The following ANKRD17 variants were observed in gnomAD, a reference collection of about 807,000 sequenced individuals.
ANKRD17 encodes the protein ankyrin repeat domain 17.
Under a neutral mutation model 229.7 loss-of-function variants are expected in ANKRD17, and 19 were observed. The ratio of observed to expected loss-of-function variants is 0.08; its 90% confidence interval spans 0.06 to 0.12. The LOEUF (loss-of-function observed/expected upper bound fraction) is 0.12, where lower values mean the gene tolerates loss of function less well. ANKRD17 is among the 10% of genes least tolerant of loss of function. The pLI, the probability that ANKRD17 is intolerant of heterozygous loss-of-function variation, is 1.00. For missense variants in ANKRD17, 2,176 were observed against 3,176.8 expected, an observed-to-expected ratio of 0.68 and a Z score of 7.57; for synonymous variants, 1,112 against 1,146.1, an observed-to-expected ratio of 0.97 and a Z score of 0.60.
intron 28 of ANKRD17, 145 bp from the exon 29 acceptor site, chr4:73,092,445 A>G: frequency 1.5e-6 from 1 of 670,360 alleles, no homozygotes; most frequent in Non-Finnish European, 2.5e-6. Flanking sequence ...ACAGATAACA[A>G]AAGCTGGGCA....
chr4:73,105,902 T>C (rs1449648251), intron 24 of ANKRD17, among the ~76,000 whole-genome samples: 2 of 152,064 alleles, frequency 1.3e-5, no homozygotes, highest in Non-Finnish European at 2.9e-5. Flanking sequence ...GATAAAGGCA[T>C]AGGGAGAGGT....
chr4:73,099,864 C>T (rs746052154), intron 25 of ANKRD17, among the ~76,000 whole-genome samples: 5 of 152,134 alleles, frequency 3.3e-5, no homozygotes, highest in Admixed American at 6.5e-5. Context: ...GTACACATTG[C>T]GGTGATGGAG....
At chr4:73,179,101 C>T (rs1343852175) in intron 1 of ANKRD17, among the ~76,000 whole-genome samples, 1 of 151,970 alleles carries the variant, frequency 6.6e-6, no homozygotes, top group Non-Finnish European at 1.5e-5. Context: ...CTTGAAAAGT[C>T]AACTATCAAG....
rs1282933750 is a variant in ANKRD17, at chr4:73,258,354, TCCGCCTCCA to T, written c.306_314del (p.Gly108_Gly110del). 1.9e-6 allele frequency: 3 copies of T among 1,608,344 alleles called. No homozygotes were observed. In the South Asian group the frequency reaches 3.3e-5, roughly 18 times the overall value. On this transcript the variant is annotated inframe_deletion, in exon 1 of 34. Coordinates refer to ENST00000358602, the MANE Select transcript of ANKRD17 (RefSeq NM_032217.5). ...TACTGCTGGTGCCGCCGCCGCCACC[TCCGCCTCCA>T]CCGCCGCCTCCACCGCCGCCGCTGT...
intron 26 of ANKRD17, among the ~76,000 whole-genome samples, chr4:73,097,723 G>A (rs1723479631): frequency 1.3e-5 from 2 of 152,098 alleles, no homozygotes; most frequent in Non-Finnish European, 2.9e-5. Context: ...ATAAGCATGA[G>A]CCATTGCACC....
intron 1 of ANKRD17, among the ~76,000 whole-genome samples, chr4:73,232,938 G>A (rs760731050): frequency 5.3e-5 from 8 of 152,094 alleles, no homozygotes; most frequent in Non-Finnish European, 1.2e-4. Flanking sequence ...GGCCAGGCTG[G>A]TCTCGAACTC....
Position 73,156,100 on chromosome 4 carries a change from C to T in ANKRD17, c.771G>A (p.Gly257=). The change falls in exon 4 of 34, where the codon GGG becomes GGA. Residue 257 remains glycine (G), a synonymous_variant. Coordinates refer to ENST00000358602, the MANE Select transcript of ANKRD17 (RefSeq NM_032217.5). ...CCTCTGTGTGTTCATTTACACTTCG[C>T]CCTTCAATGAGTAACTTTCGCACAG... is the stretch of plus-strand genomic sequence containing the variant. ...VNAVRKLLIE[G]RSVNEHTEEG... 1 of 1,613,584 alleles carries T rather than the reference C, an allele frequency of 6.2e-7. No individual in the cohort carries two copies. The highest frequency in any genetic ancestry group is 1.1e-5 in the South Asian group (1 of 90,930).
chr4:73,197,893 G>A (rs1270867888), intron 1 of ANKRD17, among the ~76,000 whole-genome samples: 1 of 152,092 alleles, frequency 6.6e-6, no homozygotes, highest in African/African-American at 2.4e-5. Context: ...AATGAACATT[G>A]TATTAAATAT....
Position 73,075,876 on chromosome 4 carries a change from T to C in ANKRD17, c.*355A>G. 5.5e-6 allele frequency: 1 copy of C among 182,066 alleles called. No individual in the cohort carries two copies. The highest frequency in any genetic ancestry group is 1.4e-4 in the East Asian group (1 of 7,188). 11.3% of individuals were successfully genotyped at this position (182,066 alleles called of 1,614,324 possible). ...TATTTGCCATTCTAAAACTTCAGGA[T>C]CAAGTTTACATAATTTTGCTAAATT... On this transcript the variant is annotated 3_prime_UTR_variant, in exon 34 of 34. Transcript: ENST00000358602.
chr4:73,172,388 C>T (rs951952284), intron 2 of ANKRD17, among the ~76,000 whole-genome samples: 3 of 152,130 alleles, frequency 2.0e-5, no homozygotes, highest in Non-Finnish European at 2.9e-5. Flanking sequence ...ATTTCATCAT[C>T]GCCACTTCTG....
intron 1 of ANKRD17, among the ~76,000 whole-genome samples, chr4:73,183,547 T>C (rs892591975): frequency 6.6e-6 from 1 of 152,090 alleles, no homozygotes; most frequent in Non-Finnish European, 1.5e-5. Context: ...TCTGGCCTCC[T>C]GGGTTCAAGC....
At chr4:73,256,446 T>A (rs1745460001) in intron 1 of ANKRD17, among the ~76,000 whole-genome samples, 1 of 152,250 alleles carries the variant, frequency 6.6e-6, no homozygotes, top group Non-Finnish European at 1.5e-5. Flanking sequence ...ATGATTGTGT[T>A]ACCTTGCTAT....
intron 24 of ANKRD17, among the ~76,000 whole-genome samples, chr4:73,106,878 T>TAAAAAAAAAAA (rs35011113): frequency 4.1e-5 from 2 of 49,260 alleles, no homozygotes; most frequent in African/African-American, 1.6e-4. Context: ...ACTCCGTCTT[T>TAAAAAAAAAAA]AAAAAAAAAA....
At position 73,092,137 on chromosome 4, in the gene ANKRD17, A is replaced by G. The variant is rs1159619817; in HGVS notation, c.5491T>C (p.Ser1831Pro). The change falls in exon 29 of 34, where the codon TCC becomes CCC. Residue 1831 changes from serine to proline, a missense_variant. By Grantham distance (74) the Ser-to-Pro change is moderately conservative. Transcript: ENST00000358602. ...SAPTTTAANT[S>P]LMGIKMTTVA... ...GTTGTCATTTTAATTCCCATTAAGG[A>G]AGTGTTAGCAGCAGTGGTGGTAGGT... 2.5e-6 allele frequency: 4 copies of G among 1,614,110 alleles called. No individual in the cohort carries two copies. In the South Asian group the frequency reaches 4.4e-5, roughly 18 times the overall value.
chr4:73,098,989 A>T (rs1723625877), intron 25 of ANKRD17: 5 of 980,888 alleles, frequency 5.1e-6, no homozygotes, highest in Non-Finnish European at 8.2e-6. Context: ...CACCTAAGAG[A>T]CCTTGGGGCC....
chr4:73,156,297 G>T (rs1731649677), intron 3 of ANKRD17, 131 bp from the exon 4 acceptor site: 3 of 1,097,116 alleles, frequency 2.7e-6, no homozygotes, highest in African/African-American at 1.6e-5. Context: ...CCAGGAGGGG[G>T]TACAGTGATG....
intron 1 of ANKRD17, 84 bp downstream of exon 1, chr4:73,258,192 G>T: frequency 6.3e-7 from 1 of 1,593,796 alleles, no homozygotes; most frequent in Non-Finnish European, 8.5e-7. Context: ...ACTGGAATCT[G>T]TCCCACTCCA....
chr4:73,134,796 C>T (rs1328797511), intron 16 of ANKRD17, among the ~76,000 whole-genome samples: 1 of 151,784 alleles, frequency 6.6e-6, no homozygotes, highest in East Asian at 1.9e-4. Flanking sequence ...TATTTCAAAC[C>T]ATATCTTCTA....
intron 1 of ANKRD17, among the ~76,000 whole-genome samples, chr4:73,178,996 C>T (rs910294713): frequency 1.3e-5 from 2 of 151,978 alleles, no homozygotes; most frequent in South Asian, 2.1e-4. Flanking sequence ...AATACAATCA[C>T]GCTCATGCCT....
Sources: gnomAD v4.1 joint callset for allele counts (sites outside exome capture counted in the v4.1 genomes callset) on GRCh38, gnomAD v4.1.1 for gene constraint, MANE v1.5 for transcripts, NCBI Gene and HGNC (gene_info 2026-07-23, HGNC 2026-07-21) for gene names.